The following ADAMTS19 variants were observed in gnomAD, a reference collection of about 807,000 sequenced individuals.
ADAMTS19 encodes ADAM metallopeptidase with thrombospondin type 1 motif 19, also known as A disintegrin and metalloproteinase with thrombospondin motifs 19.
Under a neutral mutation model 153.3 loss-of-function variants are expected in ADAMTS19, and 93 were observed. The observed-to-expected ratio is 0.61, with a 90% CI of 0.51 to 0.72. ADAMTS19 has a LOEUF of 0.72. Ranked by LOEUF, ADAMTS19 falls within the 30% of genes least tolerant of loss-of-function variation. ADAMTS19 has a pLI of 0.00. For missense variants in ADAMTS19, 1,482 were observed against 1,552.1 expected (o/e 0.95, Z 0.76); for synonymous variants, 600 against 556.6 (o/e 1.08, Z -1.10).
intron 7 of ADAMTS19, among the ~76,000 whole-genome samples, chr5:129,578,005 G>A (rs1377170831): frequency 8.1e-6 from 1 of 123,210 alleles, no homozygotes; most frequent in Non-Finnish European, 1.7e-5. Flanking sequence ...TTTTTCTTTA[G>A]CTCCCTGAAG....
At chr5:129,472,173 C>T (rs1156251831) in intron 2 of ADAMTS19, among the ~76,000 whole-genome samples, 1 of 152,234 alleles carries the variant, frequency 6.6e-6, no homozygotes. Flanking sequence ...CTGCCATCAA[C>T]AGTGTATAAG....
At chr5:129,608,116 G>GTGTGTGTGTGTATATATATATATATATA (rs377008786) in intron 8 of ADAMTS19, among the ~76,000 whole-genome samples, 3 of 47,924 alleles carry the variant, frequency 6.3e-5, no homozygotes, top group Non-Finnish European at 1.5e-4. Flanking sequence ...GTGTGTGTGT[G>GTGTGTGTGTGTATATATATATATATATA]TATATATATA....
At chr5:129,684,499 G>GCATTACATTACATTACATTA in intron 18 of ADAMTS19, among the ~76,000 whole-genome samples, 1 of 132,612 alleles carries the variant, frequency 7.5e-6, no homozygotes, top group Non-Finnish European at 1.6e-5. Context: ...ACTACTCTTT[G>GCATTACATTACATTACATTA]CATTACATTA....
chr5:129,563,636 A>T (rs56198851), intron 7 of ADAMTS19, among the ~76,000 whole-genome samples: 13,319 of 152,288 alleles, frequency 0.087, 658 homozygotes, highest in Middle Eastern at 0.15. Flanking sequence ...CAATGGGTAA[A>T]CTTTTATAAA....
chr5:129,464,592 G>A (rs1292924904), intron 2 of ADAMTS19, among the ~76,000 whole-genome samples: 1 of 152,132 alleles, frequency 6.6e-6, no homozygotes, highest in African/African-American at 2.4e-5. Flanking sequence ...TAGAACATCA[G>A]CTATCCAGTA....
Position 129,527,734 on chromosome 5 carries a change from T to G in ADAMTS19, c.1087-14T>G. 2.8e-6 allele frequency: 4 copies of G among 1,454,000 alleles called. No homozygotes were observed. Among genetic ancestry groups the G allele is most frequent in the Non-Finnish European group, 3.8e-6 (4 of 1,055,842 alleles). The allele number at this position is 1,454,000 out of a possible 1,614,324, so 90.1% of individuals were successfully genotyped here. On this transcript the variant is annotated splice_polypyrimidine_tract_variant and intron_variant, in intron 4 of 22. Transcript: ENST00000274487. ...CAGTTTAATTTTAGGATTTTTATTT[T>G]TATTTGTTTTTAGGTATTTAACCTT...
At chr5:129,601,817 G>C (rs1263795120) in intron 8 of ADAMTS19, among the ~76,000 whole-genome samples, 1 of 152,084 alleles carries the variant, frequency 6.6e-6, no homozygotes, top group Admixed American at 6.5e-5. Flanking sequence ...ATGTAGGCTT[G>C]GTTGACTCCC....
intron 8 of ADAMTS19, among the ~76,000 whole-genome samples, chr5:129,617,095 G>A (rs115777488): frequency 1.3e-5 from 2 of 152,136 alleles, no homozygotes; most frequent in East Asian, 1.9e-4. Context: ...GGTTAATAGA[G>A]TAGCTGGCAC....
intron 7 of ADAMTS19, among the ~76,000 whole-genome samples, chr5:129,567,667 A>G (rs1254381798): frequency 6.6e-6 from 1 of 152,138 alleles, no homozygotes; most frequent in African/African-American, 2.4e-5. Flanking sequence ...ATGAAGAGAA[A>G]AAAGATTGGG....
At chr5:129,646,895 G>A (rs1049029913) in intron 11 of ADAMTS19, among the ~76,000 whole-genome samples, 1 of 151,792 alleles carries the variant, frequency 6.6e-6, no homozygotes, top group African/African-American at 2.4e-5. Context: ...TGTTTGCTAC[G>A]ACCATCATCT....
chr5:129,570,803 T>G (rs1753874752), intron 7 of ADAMTS19, among the ~76,000 whole-genome samples: 1 of 151,886 alleles, frequency 6.6e-6, no homozygotes, highest in Admixed American at 6.6e-5. Context: ...ACATTAAAAG[T>G]CTAAAGAAAA....
intron 4 of ADAMTS19, among the ~76,000 whole-genome samples, chr5:129,527,307 G>A (rs1752045563): frequency 6.6e-6 from 1 of 151,002 alleles, no homozygotes; most frequent in African/African-American, 2.4e-5. Flanking sequence ...AATGGCTGAT[G>A]TAAGGATAAA....
In ADAMTS19 at chr5:129,527,768, CA is replaced by C. The variant is rs1561552484; in HGVS notation, c.1109del (p.Lys370ArgfsTer3). ...TTTAGGTATTTAACCTTTTCCAACA[CA>C]AGAGTCTGAGTGTGCAGGTCAATCT... ...LNMVFNLFQHKSLSVQVNLRV... is the reference protein window; with the variant it reads ...LNMVFNLFQHXSLSVQVNLRV... On this transcript the variant is annotated frameshift_variant, in exon 5 of 23. Transcript: ENST00000274487. LOFTEE classifies it high-confidence loss of function. 1 of 1,585,828 alleles carries C rather than the reference CA, an allele frequency of 6.3e-7. No individual in the cohort carries two copies. The highest frequency in any genetic ancestry group is 1.7e-5 in the Admixed American group (1 of 58,944).
chr5:129,587,831 TTG>T (rs1428052155), intron 7 of ADAMTS19, among the ~76,000 whole-genome samples: 1 of 152,070 alleles, frequency 6.6e-6, no homozygotes, highest in Non-Finnish European at 1.5e-5. Flanking sequence ...GTTGTTGTTG[TTG>T]TTTCTTCTGC....
At chr5:129,525,134 A>G (rs1051793271) in intron 3 of ADAMTS19, among the ~76,000 whole-genome samples, 5 of 152,122 alleles carry the variant, frequency 3.3e-5, no homozygotes, top group South Asian at 2.1e-4. Flanking sequence ...TAGTTTGTAC[A>G]TGCGATTTGT....
At chr5:129,612,622 T>G (rs1173802744) in intron 8 of ADAMTS19, among the ~76,000 whole-genome samples, 1 of 152,124 alleles carries the variant, frequency 6.6e-6, no homozygotes, top group Admixed American at 6.6e-5. Context: ...AGGAAGAAAC[T>G]GCATCAACTA....
At chr5:129,682,857 C>T (rs888551911) in intron 17 of ADAMTS19, among the ~76,000 whole-genome samples, 3 of 151,994 alleles carry the variant, frequency 2.0e-5, no homozygotes, top group Admixed American at 6.6e-5. Flanking sequence ...CAAAATACAT[C>T]TTAGGCATTC....
intron 8 of ADAMTS19, among the ~76,000 whole-genome samples, chr5:129,616,716 T>G (rs1751548892): frequency 6.6e-6 from 1 of 152,058 alleles, no homozygotes; most frequent in Non-Finnish European, 1.5e-5. Flanking sequence ...CTGAGATTAT[T>G]AAAATGTAGT....
chr5:129,712,990 T>G (rs970791493), intron 21 of ADAMTS19, among the ~76,000 whole-genome samples: 3 of 152,242 alleles, frequency 2.0e-5, no homozygotes, highest in African/African-American at 7.2e-5. Context: ...TCTTCATAGC[T>G]TCTAGCACAA....
Sources: allele counts gnomAD v4.1 joint callset (sites outside exome capture counted in the v4.1 genomes callset), GRCh38; gene constraint gnomAD v4.1.1; transcripts MANE v1.5; gene names NCBI Gene and HGNC (gene_info 2026-07-23, HGNC 2026-07-21).